Variants in NIN observed in about 807,000 individuals in gnomAD.
The protein encoded by NIN is glycogen synthase kinase 3 beta-interacting protein.
NIN carries 137 observed loss-of-function variants against 257.6 expected under a neutral mutation model. That is an observed-to-expected ratio of 0.53 (90% CI 0.46 to 0.61). The LOEUF (loss-of-function observed/expected upper bound fraction) is 0.61, where lower values mean the gene tolerates loss of function less well. Among genes scored for constraint, NIN ranks in the 20% least tolerant of loss-of-function variants. The pLI is 0.00. For missense variants in NIN, 2,439 were observed against 2,501.2 expected (o/e 0.98, Z 0.53); for synonymous variants, 918 against 919.8 (o/e 1.00, Z 0.04).
chr14:50,799,971 G>A (rs954398342), intron 4 of NIN, among the ~76,000 whole-genome samples: 10 of 148,440 alleles, frequency 6.7e-5, no homozygotes, highest in African/African-American at 2.0e-4. Context: ...GCAAAACTCC[G>A]TCACAAAAAC....
intron 22 of NIN, among the ~76,000 whole-genome samples, chr14:50,744,802 T>G (rs1257990840): frequency 1.3e-5 from 2 of 152,026 alleles, no homozygotes; most frequent in Non-Finnish European, 2.9e-5. Context: ...GGCGTGGTGG[T>G]GCATGCCTGT....
intron 4 of NIN, among the ~76,000 whole-genome samples, chr14:50,800,856 C>G (rs1388880909): frequency 6.6e-6 from 1 of 151,442 alleles, no homozygotes; most frequent in Non-Finnish European, 1.5e-5. Context: ...AATCTCGGCT[C>G]ACTGCAACCT....
chr14:50,789,024 C>T (rs1465696418), intron 5 of NIN, among the ~76,000 whole-genome samples: 2 of 152,142 alleles, frequency 1.3e-5, no homozygotes, highest in Admixed American at 6.5e-5. Context: ...TCCCTCCTTT[C>T]CCTAAGCTGG....
chr14:50,737,196 T>C (rs2041021737), intron 27 of NIN, among the ~76,000 whole-genome samples: 1 of 152,120 alleles, frequency 6.6e-6, no homozygotes, highest in South Asian at 2.1e-4. Context: ...TCAGTGTCTG[T>C]TTCATCACTC....
intron 21 of NIN, among the ~76,000 whole-genome samples, chr14:50,750,219 A>AC (rs1255328081): frequency 2.0e-5 from 3 of 151,940 alleles, no homozygotes; most frequent in Non-Finnish European, 1.5e-5. Context: ...TTTCCAAGGA[A>AC]CCCTGGTTCC....
At chr14:50,764,730 A>G (rs1291782843) in intron 14 of NIN, among the ~76,000 whole-genome samples, 1 of 152,120 alleles carries the variant, frequency 6.6e-6, no homozygotes, top group Non-Finnish European at 1.5e-5. Context: ...TAATATTGTA[A>G]GATTCCATTT....
chr14:50,820,396 A>G (rs2045149918), intron 3 of NIN, among the ~76,000 whole-genome samples: 1 of 152,198 alleles, frequency 6.6e-6, no homozygotes, highest in Admixed American at 6.5e-5. Context: ...ATATTTACGC[A>G]GACTCTAAGA....
In NIN at chr14:50,822,155, G is replaced by A. The variant is rs183033493; in HGVS notation, c.-21-78C>T. ...CGTGGTCACCACCTGGCACATTCCCGTTCTCTGTACCCCACCAGTCTCTAG... is the reference window on the plus strand; with the variant it reads ...CGTGGTCACCACCTGGCACATTCCCATTCTCTGTACCCCACCAGTCTCTAG... On this transcript the variant is annotated intron_variant, in intron 2 of 30. Coordinates refer to ENST00000530997, the MANE Select transcript of NIN (RefSeq NM_020921.4). 260 of 1,005,088 alleles carry A rather than the reference G, an allele frequency of 2.6e-4. No homozygotes were observed. In the East Asian group the frequency reaches 3.8e-3, roughly 15 times the overall value. 62.3% of individuals were successfully genotyped at this position (1,005,088 alleles called of 1,614,324 possible).
chr14:50,751,808 T>G (rs1566803559), intron 21 of NIN, among the ~76,000 whole-genome samples: 1 of 152,194 alleles, frequency 6.6e-6, no homozygotes, highest in African/African-American at 2.4e-5. Context: ...ATTACAGGTG[T>G]GAGACACCAC....
chr14:50,802,597 A>G (rs1325946365), intron 4 of NIN, among the ~76,000 whole-genome samples: 1 of 152,228 alleles, frequency 6.6e-6, no homozygotes, highest in African/African-American at 2.4e-5. Context: ...AGTTTCAATG[A>G]ATGTTAAGTA....
At chr14:50,777,239 G>A in intron 6 of NIN, 100 bp from the exon 7 acceptor site, 1 of 908,680 alleles carries the variant, frequency 1.1e-6, no homozygotes, top group Non-Finnish European at 1.7e-6. Flanking sequence ...AATACTGTAA[G>A]AAAAAGGCAA....
At chr14:50,822,101 A>G in intron 2 of NIN, 24 bp from the exon 3 acceptor site, 1 of 1,567,262 alleles carries the variant, frequency 6.4e-7, no homozygotes, top group South Asian at 1.2e-5. Flanking sequence ...AGAGACAAGG[A>G]CAGGTTGTGG....
At chr14:50,727,000 A>C (rs1219070785) in intron 29 of NIN, among the ~76,000 whole-genome samples, 1 of 152,230 alleles carries the variant, frequency 6.6e-6, no homozygotes, top group Non-Finnish European at 1.5e-5. Context: ...CGGAGGATAA[A>C]AATTGTAATA....
At chr14:50,793,380 T>C (rs2043686799) in intron 4 of NIN, among the ~76,000 whole-genome samples, 1 of 151,650 alleles carries the variant, frequency 6.6e-6, no homozygotes, top group Non-Finnish European at 1.5e-5. Flanking sequence ...TTCCACTCTC[T>C]GATCTATCAG....
chr14:50,755,330 C>T lies in NIN; in HGVS notation c.4539-463G>A, dbSNP rs573190159. On this transcript the variant is annotated intron_variant, in intron 18 of 30. Coordinates refer to ENST00000530997, the MANE Select transcript of NIN (RefSeq NM_020921.4). ...AAAGGGCCACAATGAAATATGTACACTGTTTACTTTGTGATTTTATTCATC... is the reference window on the plus strand; with the variant it reads ...AAAGGGCCACAATGAAATATGTACATTGTTTACTTTGTGATTTTATTCATC... Among the ~76,000 whole-genome samples the T allele has an allele frequency of 1.3e-4, 20 of 152,258 alleles. No homozygotes were observed. In the East Asian group the frequency reaches 2.7e-3, roughly 21 times the overall value.
intron 4 of NIN, among the ~76,000 whole-genome samples, chr14:50,803,809 G>A (rs1434054546): frequency 1.3e-5 from 2 of 152,124 alleles, no homozygotes; most frequent in Non-Finnish European, 2.9e-5. Flanking sequence ...TTGATGTACT[G>A]CATTTGAATC....
At chr14:50,805,499 C>G (rs946128977) in intron 4 of NIN, among the ~76,000 whole-genome samples, 1 of 152,120 alleles carries the variant, frequency 6.6e-6, no homozygotes, top group Non-Finnish European at 1.5e-5. Context: ...GAGACTCAAT[C>G]CAGAACCTAA....
chr14:50,733,438 G>A (rs1595712697), intron 28 of NIN, among the ~76,000 whole-genome samples: 2 of 152,278 alleles, frequency 1.3e-5, no homozygotes, highest in East Asian at 3.9e-4. Context: ...GAATAAATAG[G>A]TATGAGATGT....
intron 17 of NIN, among the ~76,000 whole-genome samples, chr14:50,758,852 T>C (rs2042152344): frequency 6.6e-6 from 1 of 152,220 alleles, no homozygotes; most frequent in South Asian, 2.1e-4. Context: ...CTTACCTCTC[T>C]CTGGAGTTAG....
Sources: allele counts gnomAD v4.1 joint callset (sites outside exome capture counted in the v4.1 genomes callset), GRCh38; gene constraint gnomAD v4.1.1; transcripts MANE v1.5; gene names NCBI Gene and HGNC (gene_info 2026-07-23, HGNC 2026-07-21).